The following HYDIN variants were observed in gnomAD, a reference collection of about 807,000 sequenced individuals.
HYDIN encodes HYDIN axonemal central pair apparatus protein.
Under a neutral mutation model 403.9 loss-of-function variants are expected in HYDIN, and 132 were observed. The ratio of observed to expected loss-of-function variants is 0.33; its 90% CI spans 0.28 to 0.38. HYDIN has a LOEUF of 0.38. Among genes scored for constraint, HYDIN ranks in the 10% least tolerant of loss-of-function variants. The pLI is 1.00. For synonymous variants in HYDIN, 1,202 were observed against 1,891.7 expected, an observed-to-expected ratio of 0.64 and a Z score of 9.46; for missense variants, 2,827 against 5,009.5, an observed-to-expected ratio of 0.56 and a Z score of 13.15.
chr16:70,991,507 C>A, intron 24 of HYDIN, 111 bp from the exon 25 acceptor site: 6 of 1,503,982 alleles, frequency 4.0e-6, no homozygotes, highest in South Asian at 1.3e-5. Context: ...CACCCCCAAA[C>A]GTAAGGGGGA....
intron 72 of HYDIN, among the ~76,000 whole-genome samples, chr16:70,855,913 A>T (rs2038995595): frequency 6.6e-6 from 1 of 152,272 alleles, no homozygotes. Context: ...AAAATTATTA[A>T]TTGCTATTTG....
chr16:70,974,896 C>G (rs2078844576), intron 31 of HYDIN, among the ~76,000 whole-genome samples: 1 of 152,208 alleles, frequency 6.6e-6, no homozygotes, highest in African/African-American at 2.4e-5. Context: ...AGCATGGGCC[C>G]TTATGGACCT....
At position 70,807,981 on chromosome 16, in the gene HYDIN, C is replaced by G; in HGVS notation, c.14965G>C (p.Val4989Leu). The change falls in exon 86 of 86, where the codon GTC becomes CTC. Residue 4989 changes from valine (V) to leucine (L), a missense_variant. Coordinates refer to ENST00000393567, the MANE Select transcript of HYDIN (RefSeq NM_001270974.2). The part of the protein sequence containing the change: ...GQGGTEASVE[V>L]LFEPSHLGET... Reference sequence around the variant, plus strand: ...CCCAGGTGGCTGGGCTCGAATAAGACTTCCACACTGGCTTCAGTGCCTCCC... The same window carrying G: ...CCCAGGTGGCTGGGCTCGAATAAGAGTTCCACACTGGCTTCAGTGCCTCCC... The G allele has an allele frequency of 6.2e-7, 1 of 1,614,138 alleles. No individual in the cohort carries two copies. The highest frequency in any genetic ancestry group is 1.1e-5 in the South Asian group (1 of 91,084).
intron 50 of HYDIN, among the ~76,000 whole-genome samples, chr16:70,906,118 C>T (rs2143770580): frequency 6.6e-6 from 1 of 151,950 alleles, no homozygotes. Flanking sequence ...GTTTCACTCC[C>T]TGCCTATATG....
At position 71,093,864 on chromosome 16, in the gene HYDIN, A is replaced by C; in HGVS notation, c.1399T>G (p.Leu467Val). ...MGPKIHFNFE[L>V]LDIGKVFTGS... Reference sequence around the variant, plus strand: ...GTGAAAACTTTCCCAATATCCAGCAATTCAAAGTTGAAGTGAATCTTAGGT... The same window carrying C: ...GTGAAAACTTTCCCAATATCCAGCACTTCAAAGTTGAAGTGAATCTTAGGT... The change falls in exon 11 of 86, where the codon TTG (leucine) becomes GTG (valine). Residue 467 changes from leucine to valine, a missense_variant. Leu to Val is a conservative substitution (Grantham distance 32). Coordinates refer to ENST00000393567, the MANE Select transcript of HYDIN (RefSeq NM_001270974.2). 1 of 1,613,826 alleles carries C rather than the reference A, an allele frequency of 6.2e-7. No homozygotes were observed. Among genetic ancestry groups the C allele is most frequent in the South Asian group, 1.1e-5 (1 of 91,040 alleles).
intron 19 of HYDIN, among the ~76,000 whole-genome samples, chr16:71,028,803 C>T (rs913485374): frequency 1.1e-4 from 16 of 151,936 alleles, no homozygotes; most frequent in Admixed American, 2.0e-4. Context: ...TCTGTGTCCA[C>T]GGGGCACGCT....
rs2076663567 is a variant in HYDIN, at chr16:70,910,382, T to C, written c.8005-1521A>G. ...TCACTTAGAATAATAGTCTCCGATA[T>C]CATTCAGGTAGCTGTGAATGCCGTT... On this transcript the variant is annotated intron_variant, in intron 47 of 85. Transcript: ENST00000393567. Among the ~76,000 whole-genome samples the C allele has an allele frequency of 2.0e-5, 3 of 152,196 alleles. No individual in the cohort carries two copies. The South Asian group carries it at 6.2e-4, about 32-fold the overall frequency.
At chr16:70,813,473 T>C (rs1441672883) in intron 84 of HYDIN, among the ~76,000 whole-genome samples, 1 of 151,878 alleles carries the variant, frequency 6.6e-6, no homozygotes, top group Non-Finnish European at 1.5e-5. Context: ...ACTAGCGTCC[T>C]GGCTGACAAC....
At position 70,918,258 on chromosome 16, in the gene HYDIN, CT is replaced by C. The variant is rs796610608; in HGVS notation, c.7956del (p.Glu2653LysfsTer4). ...PSEDISLDEK[K>X]EMEIESDFLA... is the part of the protein sequence containing the mutation. Reference sequence around the variant, plus strand: ...AAAAAGTCTGATTCTATTTCCATTTCTTTTTTTTCATCCAGAGATATATCTT... The same window carrying C: ...AAAAAGTCTGATTCTATTTCCATTTCTTTTTTTCATCCAGAGATATATCTT... On this transcript the variant is annotated frameshift_variant, in exon 47 of 86. Coordinates refer to ENST00000393567, the MANE Select transcript of HYDIN (RefSeq NM_001270974.2). LOFTEE classifies it high-confidence loss of function. 3.1e-6 allele frequency: 2 copies of C among 647,772 alleles called. No homozygotes were observed. The highest frequency in any genetic ancestry group is 5.4e-6 in the Non-Finnish European group (2 of 372,266). The allele number at this position is 647,772 out of a possible 1,614,324, so 40.1% of individuals were successfully genotyped here. A position where few individuals can be genotyped will look rare whatever the true frequency, so the allele number is the denominator to read the frequency against.
At chr16:70,859,115 C>CCATCCTGGCTTT in intron 71 of HYDIN, among the ~76,000 whole-genome samples, 1 of 151,526 alleles carries the variant, frequency 6.6e-6, no homozygotes, top group Non-Finnish European at 1.5e-5. Flanking sequence ...TCCTGGCTAA[C>CCATCCTGGCTTT]ACGGTGAAAC....
At chr16:70,810,812 A>G (rs1162953524) in intron 84 of HYDIN, among the ~76,000 whole-genome samples, 1 of 151,956 alleles carries the variant, frequency 6.6e-6, no homozygotes, top group Non-Finnish European at 1.5e-5. Context: ...AGCCTGGGCA[A>G]CAGAGTGAGA....
At chr16:70,859,497 C>T (rs1156622214) in intron 71 of HYDIN, among the ~76,000 whole-genome samples, 1 of 152,084 alleles carries the variant, frequency 6.6e-6, no homozygotes, top group Non-Finnish European at 1.5e-5. Context: ...CCTGAGGGCA[C>T]AGGAATTCTT....
At chr16:70,850,382 T>G (rs2038548194) in intron 74 of HYDIN, 66 bp downstream of exon 74, 1 of 844,766 alleles carries the variant, frequency 1.2e-6, no homozygotes, top group Non-Finnish European at 1.8e-6. Context: ...CTCATATTCA[T>G]TTTTACTACT....
At chr16:71,065,693 T>C (rs1166695463) in intron 15 of HYDIN, among the ~76,000 whole-genome samples, 4 of 152,126 alleles carry the variant, frequency 2.6e-5, no homozygotes, top group Non-Finnish European at 5.9e-5. Context: ...AGGATAATTC[T>C]AGGGATTGAT....
rs758283759 is a variant in HYDIN at position 71,186,833 on chromosome 16, G to C, written c.63C>G (p.Phe21Leu). ...GAVQMGLVNM[F>L]KGFQSKVLPP... ...GCAAAACCTTGCTTTGAAATCCTTT[G>C]AACATATTGACCAATCCCATCTGAA... is the stretch of plus-strand genomic sequence containing the variant. The change falls in exon 2 of 86, where the codon TTC (phenylalanine) becomes TTG (leucine). Residue 21 changes from phenylalanine to leucine, a missense_variant. By Grantham distance (22) the Phe-to-Leu change is conservative. Coordinates refer to ENST00000393567, the MANE Select transcript of HYDIN (RefSeq NM_001270974.2). 1 of 1,613,010 alleles carries C rather than the reference G, an allele frequency of 6.2e-7. No individual in the cohort carries two copies. The highest frequency in any genetic ancestry group is 1.1e-5 in the South Asian group (1 of 91,042).
intron 35 of HYDIN, among the ~76,000 whole-genome samples, chr16:70,972,966 T>G (rs2143989308): frequency 6.6e-6 from 1 of 152,210 alleles, no homozygotes; most frequent in South Asian, 2.1e-4. Context: ...CACCCCCAGT[T>G]TTGGATCTTA....
chr16:71,072,504 A>C (rs1845942136), intron 13 of HYDIN, among the ~76,000 whole-genome samples: 2 of 152,254 alleles, frequency 1.3e-5, no homozygotes, highest in South Asian at 4.2e-4. Context: ...ACACTACAAG[A>C]GTTAAAAAGA....
intron 10 of HYDIN, among the ~76,000 whole-genome samples, chr16:71,111,424 T>G (rs890883827): frequency 2.0e-5 from 3 of 152,188 alleles, no homozygotes; most frequent in Non-Finnish European, 2.9e-5. Context: ...GAAACCACTG[T>G]GGCAAAATGC....
chr16:70,955,448 G>C lies in HYDIN; in HGVS notation c.6243C>G (p.Ile2081Met), dbSNP rs539330957. ...AGAGCTCACGGGCCCGGATCCCTGG[G>C]ATGTTGTTGCTGTTGGCCACAGCTT... is the stretch of plus-strand genomic sequence containing the variant. ...VLEAVANSNNIPGIRARELCI... is the reference protein window; with the variant it reads ...VLEAVANSNNMPGIRARELCI... Residue 2081 changes from isoleucine to methionine, a missense_variant, in exon 40 of 86, where the codon ATC becomes ATG. By Grantham distance (10) the Ile-to-Met change is conservative. Transcript: ENST00000393567. 5.6e-6 allele frequency: 9 copies of C among 1,613,982 alleles called. No homozygotes were observed. The East Asian group carries it at 2.0e-4, about 36-fold the overall frequency.
Sources: allele counts gnomAD v4.1 joint callset (sites outside exome capture counted in the v4.1 genomes callset), GRCh38; gene constraint gnomAD v4.1.1; transcripts MANE v1.5; gene names NCBI Gene and HGNC (gene_info 2026-07-23, HGNC 2026-07-21).